KCNQ1: variants seen among roughly 807,000 people sequenced by gnomAD.
KCNQ1 encodes potassium voltage-gated channel subfamily Q member 1.
Under a neutral mutation model 72.4 loss-of-function variants are expected in KCNQ1, and 49 were observed. The ratio of observed to expected loss-of-function variants is 0.68; its 90% CI spans 0.54 to 0.86. The LOEUF (loss-of-function observed/expected upper bound fraction) is 0.86. KCNQ1 is among the 40% of genes least tolerant of loss of function. KCNQ1 has a pLI of 0.00. For missense variants in KCNQ1, 790 were observed against 945.1 expected, an observed-to-expected ratio of 0.84 and a Z score of 2.15; for synonymous variants, 450 against 412.6, an observed-to-expected ratio of 1.09 and a Z score of -1.10.
chr11:2,532,139 G>A (rs1015798754), intron 2 of KCNQ1, among the ~76,000 whole-genome samples: 1 of 152,046 alleles, frequency 6.6e-6, no homozygotes. Context: ...CACCATCCCC[G>A]CCGACCTGCC....
At position 2,640,524 on chromosome 11, in the gene KCNQ1, G is replaced by T. The variant is rs184504881; in HGVS notation, c.1394-21437G>T. On this transcript the variant is annotated intron_variant, in intron 10 of 15. Coordinates refer to ENST00000155840, the MANE Select transcript of KCNQ1 (RefSeq NM_000218.3). Reference sequence around the variant, plus strand: ...TGGTCTTGAATTCCTGGGCTCAAGCGATCCTTCTGCCTTGGCCCCCCAAAG... The same window carrying T: ...TGGTCTTGAATTCCTGGGCTCAAGCTATCCTTCTGCCTTGGCCCCCCAAAG... The T allele has an allele frequency of 2.3e-5, 9 of 397,144 alleles. No individual in the cohort carries two copies. The South Asian group carries it at 3.9e-4, about 17-fold the overall frequency. The allele number at this position is 397,144 out of a possible 1,614,324, so 24.6% of individuals were successfully genotyped here. A position where few individuals can be genotyped will look rare whatever the true frequency, so the allele number is the denominator to read the frequency against.
chr11:2,726,402 A>G (rs1198720839), intron 11 of KCNQ1, among the ~76,000 whole-genome samples: 2 of 152,164 alleles, frequency 1.3e-5, no homozygotes, highest in Non-Finnish European at 2.9e-5. Flanking sequence ...TTCCTGGGCC[A>G]GCAGTAGGTT....
intron 10 of KCNQ1, chr11:2,636,388 G>C (rs979498860): frequency 1.1e-4 from 16 of 151,910 alleles, no homozygotes; most frequent in Non-Finnish European, 1.5e-5. Flanking sequence ...AGAGTTTTTA[G>C]CATGAAGGGC....
intron 11 of KCNQ1, among the ~76,000 whole-genome samples, chr11:2,733,814 A>ACACACACACACACACACCCTCTCTCT: frequency 1.2e-5 from 1 of 86,616 alleles, no homozygotes. Context: ...ACACACACAC[A>ACACACACACACACACACCCTCTCTCT]CTCTCTCACT....
chr11:2,522,042 G>A (rs1347278116), intron 1 of KCNQ1, among the ~76,000 whole-genome samples: 4 of 152,338 alleles, frequency 2.6e-5, no homozygotes, highest in African/African-American at 4.8e-5. Context: ...CTGTGTTCCC[G>A]GGCACCCGGG....
At position 2,664,695 on chromosome 11, in the gene KCNQ1, C is replaced by G; in HGVS notation, c.1514+2614C>G. ...TGTGGGCAGCCTGGCCCCATGGACC[C>G]TGAACTGGGAAGAGAGGCACACGCC... is the stretch of plus-strand genomic sequence containing the variant. On this transcript the variant is annotated intron_variant, in intron 11 of 15. Transcript: ENST00000155840. The surrounding 1 kb of genome is among the most constrained non-coding windows in gnomAD (Gnocchi z 5.1). 1 of 398,760 alleles carries G rather than the reference C, an allele frequency of 2.5e-6. No individual in the cohort carries two copies. 24.7% of individuals were successfully genotyped at this position (398,760 alleles called of 1,614,324 possible).
At chr11:2,685,017 C>T (rs1207692161) in intron 11 of KCNQ1, 4 of 398,544 alleles carry the variant, frequency 1.0e-5, no homozygotes. Flanking sequence ...TTCTTGCCAT[C>T]CCTGTCTCAT....
chr11:2,513,415 G>A (rs1231248383), intron 1 of KCNQ1, among the ~76,000 whole-genome samples: 1 of 152,182 alleles, frequency 6.6e-6, no homozygotes, highest in Non-Finnish European at 1.5e-5. Context: ...TCTGGGATGG[G>A]ATCCACCTGC....
chr11:2,654,637 G>A lies in KCNQ1; in HGVS notation c.1394-7324G>A, dbSNP rs1199622089. ...TACTAGGAAGGGCCCAGACACTGGC[G>A]AGAGTCTCTTGAGGGCAGAGGGCAG... On this transcript the variant is annotated intron_variant, in intron 10 of 15. Transcript: ENST00000155840. This position sits in a 1 kb window ranked among gnomAD's most constrained non-coding sequence, Gnocchi z 6.4. 5 of 398,678 alleles carry A rather than the reference G, an allele frequency of 1.3e-5. No individual in the cohort carries two copies. The highest frequency in any genetic ancestry group is 4.4e-5 in the Admixed American group (1 of 22,696). The allele number at this position is 398,678 out of a possible 1,614,324, so 24.7% of individuals were successfully genotyped here. A position where few individuals can be genotyped will look rare whatever the true frequency, so the allele number is the denominator to read the frequency against.
chr11:2,736,969 C>T (rs1475567320), intron 11 of KCNQ1, among the ~76,000 whole-genome samples: 2 of 152,230 alleles, frequency 1.3e-5, no homozygotes, highest in African/African-American at 4.8e-5. Flanking sequence ...CCGACCCCCA[C>T]CGCCTGCCTT....
rs570988621 is a variant in KCNQ1 at position 2,683,732 on chromosome 11, C to T, written c.1514+21651C>T. On this transcript the variant is annotated intron_variant, in intron 11 of 15. Coordinates refer to ENST00000155840, the MANE Select transcript of KCNQ1 (RefSeq NM_000218.3). This position sits in a 1 kb window ranked among gnomAD's most constrained non-coding sequence, Gnocchi z 4.7. The stretch of plus-strand genomic sequence containing the variant: ...TTCCTTACTCCCTCTGGTTACCTAG[C>T]TTTAGCTCTGAGGCAGCCCAGATGA... 2.5e-6 allele frequency: 1 copy of T among 398,514 alleles called. No homozygotes were observed. The highest frequency in any genetic ancestry group is 4.4e-6 in the Non-Finnish European group (1 of 226,076). 24.7% of individuals were successfully genotyped at this position (398,514 alleles called of 1,614,324 possible).
At chr11:2,551,631 G>A (rs61871493) in intron 2 of KCNQ1, among the ~76,000 whole-genome samples, 4 of 152,182 alleles carry the variant, frequency 2.6e-5, no homozygotes, top group South Asian at 2.1e-4. Context: ...GTGGGATTGC[G>A]GGATCATGTG....
Position 2,468,381 on chromosome 11 carries a change from A to T in KCNQ1, c.386+22897A>T, listed in dbSNP as rs770271520. Among the ~76,000 whole-genome samples, 1 of 152,190 alleles carries T rather than the reference A, an allele frequency of 6.6e-6. No homozygotes were observed. Among genetic ancestry groups the T allele is most frequent in the Non-Finnish European group, 1.5e-5 (1 of 68,036 alleles). On this transcript the variant is annotated intron_variant, in intron 1 of 15. Transcript: ENST00000155840. The surrounding 1 kb of genome is among the most constrained non-coding windows in gnomAD (Gnocchi z 5.7). ...AGTCTAGTCTCAAGCTCCTGAGCTCAAGCGATCTGCCTGCCTCAGCCTCCC... is the reference window on the plus strand; with the variant it reads ...AGTCTAGTCTCAAGCTCCTGAGCTCTAGCGATCTGCCTGCCTCAGCCTCCC...
At chr11:2,805,775 G>T (rs1847358240) in intron 15 of KCNQ1, among the ~76,000 whole-genome samples, 1 of 152,206 alleles carries the variant, frequency 6.6e-6, no homozygotes, top group Non-Finnish European at 1.5e-5. Context: ...GGGAAGCCGA[G>T]GAGAAATGGA....
At chr11:2,721,829 C>G (rs999853869) in intron 11 of KCNQ1, among the ~76,000 whole-genome samples, 2 of 152,232 alleles carry the variant, frequency 1.3e-5, no homozygotes, top group African/African-American at 4.8e-5. Flanking sequence ...AGCTGTCTGT[C>G]CATCCATCCA....
At chr11:2,636,010 T>G (rs1201494229) in intron 10 of KCNQ1, 1 of 152,246 alleles carries the variant, frequency 6.6e-6, no homozygotes, top group Non-Finnish European at 1.5e-5. Context: ...ATAAGAATGC[T>G]TGTGATGTTT....
At chr11:2,518,122 G>C (rs1308653598) in intron 1 of KCNQ1, among the ~76,000 whole-genome samples, 2 of 152,362 alleles carry the variant, frequency 1.3e-5, no homozygotes, top group Middle Eastern at 3.4e-3. Context: ...TGCATCCCAC[G>C]CCTGGCACTG....
rs786204083 is a variant in KCNQ1 at position 2,527,969 on chromosome 11, C to A, written c.428C>A (p.Ser143Tyr). 6.2e-7 allele frequency: 1 copy of A among 1,614,106 alleles called. No homozygotes were observed. Among genetic ancestry groups the A allele is most frequent in the Non-Finnish European group, 8.5e-7 (1 of 1,180,010 alleles). ...VLVCLIFSVL[S>Y]TIEQYAALAT... ...GTCTGCCTCATCTTCAGCGTGCTGT[C>A]CACCATCGAGCAGTATGCCGCCCTG... The change falls in exon 2 of 16, where the codon TCC becomes TAC. Residue 143 changes from serine to tyrosine, a missense_variant. This residue lies in a region of KCNQ1 where 294 missense variants were observed against 323.3 expected (regional missense o/e 0.91). Coordinates refer to ENST00000155840, the MANE Select transcript of KCNQ1 (RefSeq NM_000218.3).
chr11:2,790,503 C>T (rs1422183211), intron 15 of KCNQ1, among the ~76,000 whole-genome samples: 2 of 152,240 alleles, frequency 1.3e-5, no homozygotes, highest in East Asian at 3.9e-4. Flanking sequence ...TCCAGCTGTG[C>T]ACACAGGGCC....
Sources: allele counts gnomAD v4.1 joint callset (sites outside exome capture counted in the v4.1 genomes callset), GRCh38; gene constraint gnomAD v4.1.1; regional missense constraint gnomAD v4.1.1; non-coding constraint Gnocchi (gnomAD v3.1); transcripts MANE v1.5; gene names NCBI Gene and HGNC (gene_info 2026-07-23, HGNC 2026-07-21).